Variants in TACR3 observed in about 807,000 individuals in gnomAD.
TACR3 encodes the protein neuromedin-K receptor.
In TACR3, 34 loss-of-function variants were observed where a neutral mutation model predicts 35.0. The observed-to-expected ratio is 0.97, with a 90% CI of 0.74 to 1.30. The LOEUF is 1.30. Ranked by LOEUF, TACR3 falls within the 50% of genes most tolerant of loss-of-function variation. TACR3 has a pLI of 0.00. For missense variants in TACR3, 558 were observed against 591.7 expected (o/e 0.94, Z 0.59); for synonymous variants, 233 against 221.1 (o/e 1.05, Z -0.48).
intron 3 of TACR3, among the ~76,000 whole-genome samples, chr4:103,654,613 C>G (rs935589361): frequency 4.7e-4 from 71 of 150,222 alleles, no homozygotes; most frequent in Non-Finnish European, 9.0e-4. Context: ...GAGTTAATGG[C>G]TGCAGCACAC....
chr4:103,633,304 A>G (rs1725108390), intron 3 of TACR3, among the ~76,000 whole-genome samples: 1 of 152,152 alleles, frequency 6.6e-6, no homozygotes, highest in Non-Finnish European at 1.5e-5. Context: ...AATATTGAGC[A>G]TCTGAAAGAA....
At chr4:103,660,679 A>G (rs75954935) in intron 1 of TACR3, among the ~76,000 whole-genome samples, 3,315 of 152,126 alleles carry the variant, frequency 0.022, 123 homozygotes, top group African/African-American at 0.076. Flanking sequence ...CATTTTTTGT[A>G]TATCAAGTAT....
At chr4:103,712,423 G>A (rs1722989854) in intron 1 of TACR3, among the ~76,000 whole-genome samples, 1 of 152,190 alleles carries the variant, frequency 6.6e-6, no homozygotes, top group Admixed American at 6.5e-5. Flanking sequence ...CTAGCCATAT[G>A]TAGAAAGCTG....
intron 1 of TACR3, among the ~76,000 whole-genome samples, chr4:103,663,836 C>G (rs1298380276): frequency 6.6e-6 from 1 of 152,168 alleles, no homozygotes; most frequent in Non-Finnish European, 1.5e-5. Context: ...TTCACCTGAA[C>G]AAACATTCTC....
chr4:103,646,209 G>T (rs189300228), intron 3 of TACR3, among the ~76,000 whole-genome samples: 119 of 152,080 alleles, frequency 7.8e-4, no homozygotes, highest in Non-Finnish European at 1.2e-3. Context: ...CGGAGGTTTG[G>T]CACTGAACCA....
intron 1 of TACR3, among the ~76,000 whole-genome samples, chr4:103,667,528 T>G (rs1336990466): frequency 1.3e-5 from 2 of 152,156 alleles, no homozygotes; most frequent in African/African-American, 4.8e-5. Flanking sequence ...CAGCTTGAGG[T>G]GATGGATACT....
chr4:103,623,383 A>ATTTTT, intron 3 of TACR3, among the ~76,000 whole-genome samples: 1 of 150,670 alleles, frequency 6.6e-6, no homozygotes, highest in South Asian at 2.1e-4. Context: ...ATTTTTCTCT[A>ATTTTT]TTTTTTTTTA....
chr4:103,638,445 T>C (rs1725251370), intron 3 of TACR3, among the ~76,000 whole-genome samples: 1 of 151,878 alleles, frequency 6.6e-6, no homozygotes, highest in Admixed American at 6.6e-5. Flanking sequence ...TAATTCAAGA[T>C]GGATTAAAGA....
chr4:103,715,801 A>C (rs537711636), intron 1 of TACR3, among the ~76,000 whole-genome samples: 1 of 152,294 alleles, frequency 6.6e-6, no homozygotes, highest in African/African-American at 2.4e-5. Flanking sequence ...TATGCCGTAA[A>C]TGAATGGAAA....
At chr4:103,687,482 G>A (rs1466014443) in intron 1 of TACR3, among the ~76,000 whole-genome samples, 1 of 152,114 alleles carries the variant, frequency 6.6e-6, no homozygotes, top group African/African-American at 2.4e-5. Context: ...TGACATGATT[G>A]TATATCTAGA....
intron 1 of TACR3, among the ~76,000 whole-genome samples, chr4:103,665,120 G>T (rs1725909745): frequency 6.6e-6 from 1 of 151,800 alleles, no homozygotes; most frequent in African/African-American, 2.4e-5. Context: ...GCCCATAACT[G>T]TCTTAGACAA....
chr4:103,702,649 C>A (rs1286006568), intron 1 of TACR3, among the ~76,000 whole-genome samples: 1 of 151,946 alleles, frequency 6.6e-6, no homozygotes, highest in Non-Finnish European at 1.5e-5. Flanking sequence ...TTGGAACCAA[C>A]CCAAATGTCA....
chr4:103,641,276 A>T (rs886297941), intron 3 of TACR3, among the ~76,000 whole-genome samples: 1 of 151,876 alleles, frequency 6.6e-6, no homozygotes, highest in Non-Finnish European at 1.5e-5. Context: ...TTTTAAAAAA[A>T]TTCCAGTACC....
At chr4:103,693,270 G>A (rs895596831) in intron 1 of TACR3, among the ~76,000 whole-genome samples, 2 of 152,092 alleles carry the variant, frequency 1.3e-5, no homozygotes, top group South Asian at 2.1e-4. Flanking sequence ...AGACATAGAA[G>A]TCTATTTTGA....
At chr4:103,700,544 C>A (rs992155456) in intron 1 of TACR3, among the ~76,000 whole-genome samples, 1 of 152,142 alleles carries the variant, frequency 6.6e-6, no homozygotes, top group South Asian at 2.1e-4. Context: ...TTCAGGCAGG[C>A]TTCTATTACT....
intron 1 of TACR3, among the ~76,000 whole-genome samples, chr4:103,713,556 G>T (rs1723019978): frequency 6.6e-6 from 1 of 151,628 alleles, no homozygotes. Flanking sequence ...CAGCAACATG[G>T]CACATGTATA....
At chr4:103,698,478 G>A (rs1291292326) in intron 1 of TACR3, among the ~76,000 whole-genome samples, 1 of 151,880 alleles carries the variant, frequency 6.6e-6, no homozygotes, top group Non-Finnish European at 1.5e-5. Flanking sequence ...ATTATATAGA[G>A]TATTTATATG....
chr4:103,684,668 A>G (rs1326835097), intron 1 of TACR3, among the ~76,000 whole-genome samples: 1 of 152,124 alleles, frequency 6.6e-6, no homozygotes, highest in Non-Finnish European at 1.5e-5. Context: ...TAAAAACTCC[A>G]GTAAGATTTC....
At chr4:103,684,914 G>A (rs1722192685) in intron 1 of TACR3, among the ~76,000 whole-genome samples, 1 of 151,784 alleles carries the variant, frequency 6.6e-6, no homozygotes. Context: ...AACCTGGGAG[G>A]TGGAGGTTGC....
Sources: gnomAD v4.1 joint callset for allele counts (sites outside exome capture counted in the v4.1 genomes callset) on GRCh38, gnomAD v4.1.1 for gene constraint, MANE v1.5 for transcripts, NCBI Gene and HGNC (gene_info 2026-07-23, HGNC 2026-07-21) for gene names.